Variants in FAM171B observed in about 807,000 individuals in gnomAD.
FAM171B encodes protein FAM171B.
A neutral mutation model predicts 75.6 loss-of-function variants in FAM171B; 19 were observed. That is an observed-to-expected ratio of 0.25 (90% confidence interval 0.18 to 0.37). FAM171B has a LOEUF of 0.37. Ranked by LOEUF, FAM171B falls within the 10% of genes least tolerant of loss-of-function variation. The pLI is 1.00. For missense variants in FAM171B, 848 were observed against 982.4 expected, an observed-to-expected ratio of 0.86 and a Z score of 1.83; for synonymous variants, 367 against 361.7, an observed-to-expected ratio of 1.01 and a Z score of -0.17.
At chr2:186,743,431 T>A (rs1690321332) in intron 2 of FAM171B, 52 bp from the exon 3 acceptor site, 2 of 1,302,248 alleles carry the variant, frequency 1.5e-6, no homozygotes, top group Non-Finnish European at 2.2e-6. Flanking sequence ...TTTGTCCTAG[T>A]TTTTTTCCCC....
chr2:186,707,565 C>T (rs1689749271), intron 1 of FAM171B, among the ~76,000 whole-genome samples: 1 of 152,120 alleles, frequency 6.6e-6, no homozygotes, highest in South Asian at 2.1e-4. Context: ...ACATTAGTTA[C>T]ATTGAGAACC....
chr2:186,738,712 A>T (rs2105785271), intron 1 of FAM171B, among the ~76,000 whole-genome samples: 1 of 152,302 alleles, frequency 6.6e-6, no homozygotes, highest in East Asian at 1.9e-4. Context: ...TGCTATTGAT[A>T]GCATTAGAGT....
intron 1 of FAM171B, among the ~76,000 whole-genome samples, chr2:186,712,670 T>G (rs1404005680): frequency 6.6e-6 from 1 of 152,162 alleles, no homozygotes; most frequent in Non-Finnish European, 1.5e-5. Flanking sequence ...GTTCTGTACT[T>G]TTGTTTCTTT....
intron 4 of FAM171B, among the ~76,000 whole-genome samples, chr2:186,749,357 C>T (rs986174229): frequency 7.9e-5 from 12 of 152,024 alleles, no homozygotes; most frequent in African/African-American, 1.9e-4. Context: ...ACTGACTGCA[C>T]GGAGCTGAGG....
intron 1 of FAM171B, among the ~76,000 whole-genome samples, chr2:186,700,924 C>A (rs1559080130): frequency 6.7e-6 from 1 of 150,044 alleles, no homozygotes; most frequent in African/African-American, 2.4e-5. Flanking sequence ...TTCTCTTTAA[C>A]TTTTTTTTTT....
intron 1 of FAM171B, among the ~76,000 whole-genome samples, chr2:186,702,134 G>T (rs932147922): frequency 6.6e-6 from 1 of 152,168 alleles, no homozygotes; most frequent in Non-Finnish European, 1.5e-5. Context: ...TGCGTCATTA[G>T]GTGATTTTGT....
Position 186,762,787 on chromosome 2 carries a change from G to A in FAM171B, c.2445G>A (p.Lys815=). 1 of 1,612,818 alleles carries A rather than the reference G, an allele frequency of 6.2e-7. No homozygotes were observed. Among genetic ancestry groups the A allele is most frequent in the East Asian group, 2.2e-5 (1 of 44,848 alleles). Residue 815 remains lysine, a synonymous_variant, in exon 8 of 8, where the codon AAG becomes AAA. Coordinates refer to ENST00000304698, the MANE Select transcript of FAM171B (RefSeq NM_177454.4). This position sits in a 1 kb window ranked among gnomAD's most constrained non-coding sequence, Gnocchi z 4.0. The part of the protein sequence containing the change: ...AKRDSKTNIW[K]KREERPLIPI... Reference sequence around the variant, plus strand: ...GAGATAGCAAGACTAACATCTGGAAGAAGCGAGAGGAACGCCCACTGATTC... The same window carrying A: ...GAGATAGCAAGACTAACATCTGGAAAAAGCGAGAGGAACGCCCACTGATTC...
intron 2 of FAM171B, among the ~76,000 whole-genome samples, chr2:186,741,685 G>A (rs1044035369): frequency 6.6e-6 from 1 of 152,016 alleles, no homozygotes; most frequent in African/African-American, 2.4e-5. Context: ...AAACAAGATA[G>A]GATCAGATTC....
chr2:186,721,037 G>T (rs969070615), intron 1 of FAM171B, among the ~76,000 whole-genome samples: 3 of 152,158 alleles, frequency 2.0e-5, no homozygotes, highest in Non-Finnish European at 4.4e-5. Context: ...AATTCTTACT[G>T]TTTTAGTAAG....
chr2:186,721,980 T>G (rs1689960577), intron 1 of FAM171B, among the ~76,000 whole-genome samples: 1 of 152,196 alleles, frequency 6.6e-6, no homozygotes, highest in African/African-American at 2.4e-5. Context: ...CATTTCCACC[T>G]TCATTTTCTG....
At chr2:186,735,032 C>A (rs1690178619) in intron 1 of FAM171B, among the ~76,000 whole-genome samples, 1 of 152,196 alleles carries the variant, frequency 6.6e-6, no homozygotes, top group Non-Finnish European at 1.5e-5. Context: ...CTGGGGTCTG[C>A]AGCTGCAGCT....
chr2:186,723,628 G>A (rs1412998690), intron 1 of FAM171B, among the ~76,000 whole-genome samples: 1 of 152,104 alleles, frequency 6.6e-6, no homozygotes, highest in African/African-American at 2.4e-5. Flanking sequence ...TCCTAATCTT[G>A]CATTTTAAAT....
chr2:186,715,396 A>T (rs1689861552), intron 1 of FAM171B, among the ~76,000 whole-genome samples: 1 of 151,876 alleles, frequency 6.6e-6, no homozygotes, highest in Non-Finnish European at 1.5e-5. Context: ...AGAGACAGGG[A>T]CTCATTATGT....
At chr2:186,720,658 A>G (rs1689938318) in intron 1 of FAM171B, among the ~76,000 whole-genome samples, 1 of 145,776 alleles carries the variant, frequency 6.9e-6, no homozygotes, top group African/African-American at 2.5e-5. Context: ...ATTTTTCTCT[A>G]TAGTTTTTTG....
In FAM171B at chr2:186,763,121, C is replaced by A. The variant is rs1690647968; in HGVS notation, c.*298C>A. On this transcript the variant is annotated 3_prime_UTR_variant, in exon 8 of 8. Transcript: ENST00000304698. ...TCAGCCAGCCAGTTTGGCCTTGACT[C>A]TCTTAAGAATAACAGTGAAATATAT... 8 of 297,866 alleles carry A rather than the reference C, an allele frequency of 2.7e-5. No homozygotes were observed. The South Asian group carries it at 3.4e-4, about 13-fold the overall frequency. The allele number at this position is 297,866 out of a possible 1,614,324, so 18.5% of individuals were successfully genotyped here.
chr2:186,702,844 C>T (rs749460518), intron 1 of FAM171B, among the ~76,000 whole-genome samples: 1 of 151,896 alleles, frequency 6.6e-6, no homozygotes, highest in Non-Finnish European at 1.5e-5. Flanking sequence ...ATATCTTACA[C>T]CAAAAGTAAG....
chr2:186,763,936 A>G lies in FAM171B; in HGVS notation c.*1113A>G, dbSNP rs1302667796. 2 of 152,062 alleles carry G rather than the reference A, an allele frequency of 1.3e-5. No homozygotes were observed. The highest frequency in any genetic ancestry group is 2.9e-5 in the Non-Finnish European group (2 of 67,970). The allele number at this position is 152,062 out of a possible 1,614,324, so 9.4% of individuals were successfully genotyped here. On this transcript the variant is annotated 3_prime_UTR_variant, in exon 8 of 8. Transcript: ENST00000304698. ...AGGAAAACAGTTTCAATTTCAGGGG[A>G]AAAGTAAAAGTTTTTCCCTAAGTCA...
At chr2:186,710,102 C>T (rs1689789609) in intron 1 of FAM171B, among the ~76,000 whole-genome samples, 1 of 152,164 alleles carries the variant, frequency 6.6e-6, no homozygotes, top group Non-Finnish European at 1.5e-5. Context: ...TTGTTCTTAT[C>T]ACATAAAGCA....
intron 2 of FAM171B, among the ~76,000 whole-genome samples, chr2:186,742,852 G>A (rs188103447): frequency 6.3e-4 from 96 of 152,218 alleles, no homozygotes; most frequent in African/African-American, 2.1e-3. Flanking sequence ...TATCTTTCAG[G>A]TAATCTGCAT....
Sources: gnomAD v4.1 joint callset for allele counts (sites outside exome capture counted in the v4.1 genomes callset) on GRCh38, gnomAD v4.1.1 for gene constraint, Gnocchi (gnomAD v3.1) non-coding constraint, MANE v1.5 for transcripts, NCBI Gene and HGNC (gene_info 2026-07-23, HGNC 2026-07-21) for gene names.